Variants in COL4A5 observed in about 807,000 individuals in gnomAD.
COL4A5 encodes collagen alpha-5(IV) chain.
Under a neutral mutation model 130.2 loss-of-function variants are expected in COL4A5, and 26 were observed. That is an observed-to-expected ratio of 0.20 (90% confidence interval 0.15 to 0.28). The LOEUF (loss-of-function observed/expected upper bound fraction) is 0.28. Ranked by LOEUF, COL4A5 falls within the 10% of genes least tolerant of loss-of-function variation. COL4A5 has a pLI of 1.00. For missense variants in COL4A5, 1,131 were observed against 1,344.3 expected (o/e 0.84, Z 2.48); for synonymous variants, 496 against 439.6 (o/e 1.13, Z -1.60).
Position 108,591,176 on chromosome X carries a change from T to TGGGGCTCCTGGGCTTCCA in COL4A5, c.1288_1305dup (p.Ala430_Gly435dup). On this transcript the variant is annotated inframe_insertion, in exon 20 of 53. Coordinates refer to ENST00000328300, the MANE Select transcript of COL4A5 (RefSeq NM_033380.3). ...GACCTCCTGGACTTGACGGACAGCC[T>TGGGGCTCCTGGGCTTCCA]GGGGCTCCTGGGCTTCCAGGGCCTC... The TGGGGCTCCTGGGCTTCCA allele has an allele frequency of 8.3e-7, 1 of 1,210,182 alleles. No homozygotes were observed.
At chrX:108,679,957 CGGATTG>C in intron 44 of COL4A5, among the ~76,000 whole-genome samples, 1 of 111,990 alleles carries the variant, frequency 8.9e-6, no homozygotes, top group Admixed American at 9.5e-5. Flanking sequence ...AAGTAATCTG[CGGATTG>C]GGAAGGCACA....
chrX:108,504,176 A>T (rs2065104698), intron 1 of COL4A5, among the ~76,000 whole-genome samples: 1 of 111,981 alleles, frequency 8.9e-6, no homozygotes, highest in South Asian at 3.7e-4. Context: ...GGAAAATTGG[A>T]TATCTGCATG....
At chrX:108,559,289 G>A (rs1474517747) in intron 3 of COL4A5, 136 bp downstream of exon 3, 7 of 535,528 alleles carry the variant, frequency 1.3e-5, no homozygotes, top group Non-Finnish European at 1.7e-5. Flanking sequence ...GGAATGACGG[G>A]GAGTCTGTAC....
chrX:108,578,231 A>G (rs1682729849), intron 12 of COL4A5, 60 bp from the exon 13 acceptor site: 2 of 1,111,771 alleles, frequency 1.8e-6, no homozygotes, highest in Admixed American at 2.2e-5. Context: ...CTTACATGTT[A>G]TATTACTGTC....
In COL4A5 at chrX:108,601,965, C is replaced by A; in HGVS notation, c.2122C>A (p.Leu708Ile). 1 of 1,130,442 alleles carries A rather than the reference C, an allele frequency of 8.8e-7. No homozygotes were observed. Among genetic ancestry groups the A allele is most frequent in the Non-Finnish European group, 1.2e-6 (1 of 832,859 alleles). 93.2% of individuals were successfully genotyped at this position (1,130,442 alleles called of 1,213,427 possible). A position where few individuals can be genotyped will look rare whatever the true frequency, so the allele number is the denominator to read the frequency against. The change falls in exon 27 of 53, where the codon CTT becomes ATT. Residue 708 changes from leucine (L) to isoleucine (I), a missense_variant. Transcript: ENST00000328300. ...AGAACCAGGTATCCCTGGAATTGGGCTTCCTGGACCACCTGGTCCCAAAGG... is the reference window on the plus strand; with the variant it reads ...AGAACCAGGTATCCCTGGAATTGGGATTCCTGGACCACCTGGTCCCAAAGG... ...KGEPGIPGIG[L>I]PGPPGPKGFP...
At chrX:108,517,771 G>A (rs1188565087) in intron 1 of COL4A5, among the ~76,000 whole-genome samples, 1 of 111,405 alleles carries the variant, frequency 9.0e-6, no homozygotes, top group East Asian at 2.8e-4. Flanking sequence ...TGCATGCTAC[G>A]GAAAAATCTA....
chrX:108,578,474 A>T, intron 13 of COL4A5, 91 bp downstream of exon 13: 1 of 624,348 alleles, frequency 1.6e-6, no homozygotes, highest in Non-Finnish European at 2.7e-6. Flanking sequence ...GTATATGTAT[A>T]TCAAAACATC....
intron 1 of COL4A5, among the ~76,000 whole-genome samples, chrX:108,490,400 C>A (rs1292254607): frequency 9.0e-6 from 1 of 111,527 alleles, no homozygotes; most frequent in Non-Finnish European, 1.9e-5. Context: ...GTTTTCCTAA[C>A]CCTCACCAAC....
chrX:108,695,974 C>T (rs1196734457), intron 52 of COL4A5: 8 of 263,329 alleles, frequency 3.0e-5, no homozygotes, highest in Non-Finnish European at 4.7e-5. Context: ...TCTATCATAA[C>T]ATCATCAGTT....
intron 47 of COL4A5, among the ~76,000 whole-genome samples, chrX:108,685,583 T>C (rs755482675): frequency 8.9e-6 from 1 of 112,575 alleles, no homozygotes; most frequent in African/African-American, 3.2e-5. Flanking sequence ...GCCCCTTGTC[T>C]TTTAAACTAA....
At position 108,606,977 on chromosome X, in the gene COL4A5, C is replaced by A. The variant is rs183909481; in HGVS notation, c.2395+85C>A. 6.2e-5 allele frequency: 61 copies of A among 977,246 alleles called. No homozygotes were observed. In the African/African-American group the frequency reaches 7.4e-4, roughly 12 times the overall value. 80.5% of individuals were successfully genotyped at this position (977,246 alleles called of 1,213,427 possible). A position where few individuals can be genotyped will look rare whatever the true frequency, so the allele number is the denominator to read the frequency against. ...TGGGAAAGTTTATGGGTGATAAGCC[C>A]AATTAACTGGAAACCCTATGCTGCC... On this transcript the variant is annotated intron_variant, in intron 29 of 52. Coordinates refer to ENST00000328300, the MANE Select transcript of COL4A5 (RefSeq NM_033380.3).
At chrX:108,667,211 A>C in intron 40 of COL4A5, 28 bp downstream of exon 40, 1 of 1,136,920 alleles carries the variant, frequency 8.8e-7, no homozygotes, top group Non-Finnish European at 1.2e-6. Flanking sequence ...ATGCTAAATC[A>C]ATCTATAATA....
chrX:108,535,298 T>C (rs1233558657), intron 1 of COL4A5, among the ~76,000 whole-genome samples: 1 of 111,690 alleles, frequency 9.0e-6, no homozygotes, highest in Non-Finnish European at 1.9e-5. Flanking sequence ...GTGTGAAATA[T>C]TTAGTGAGTA....
chrX:108,447,275 C>T (rs2064463049), intron 1 of COL4A5, among the ~76,000 whole-genome samples: 1 of 111,011 alleles, frequency 9.0e-6, no homozygotes, highest in Non-Finnish European at 1.9e-5. Flanking sequence ...TCTTTTTTTT[C>T]CACTTTGGGG....
chrX:108,589,796 A>G (rs1424849874), intron 19 of COL4A5, among the ~76,000 whole-genome samples: 1 of 111,787 alleles, frequency 8.9e-6, no homozygotes, highest in East Asian at 2.8e-4. Flanking sequence ...ACTTAATTAA[A>G]CTAAAGAGCT....
At position 108,659,364 on chromosome X, in the gene COL4A5, A is replaced by G. The variant is rs1461743591; in HGVS notation, c.3373+3907A>G. On this transcript the variant is annotated intron_variant, in intron 37 of 52. Transcript: ENST00000328300. Reference sequence around the variant, plus strand: ...CCTTGTACCCTTGAAAATAATTTGTATTCTGCAATTTGTGTATTGCATTAT... The same window carrying G: ...CCTTGTACCCTTGAAAATAATTTGTGTTCTGCAATTTGTGTATTGCATTAT... 3.6e-5 allele frequency among the ~76,000 whole-genome samples: 4 copies of G among 111,426 alleles called. No individual in the cohort carries two copies. In the East Asian group the frequency reaches 1.1e-3, roughly 31 times the overall value.
intron 36 of COL4A5, among the ~76,000 whole-genome samples, chrX:108,628,064 A>G (rs1171920678): frequency 9.0e-6 from 1 of 110,988 alleles, no homozygotes; most frequent in Admixed American, 9.7e-5. Context: ...GTCATCACAT[A>G]GTAAATCTTG....
chrX:108,687,654 G>A lies in COL4A5; in HGVS notation c.4488G>A (p.Leu1496=). ...TLQVYEGFSL[L]YVQGNKRAHG... The stretch of plus-strand genomic sequence containing the variant: ...AGGTCTATGAAGGCTTTTCTCTCCT[G>A]TATGTACAAGGAAATAAAAGAGCCC... Residue 1496 remains leucine (L), a synonymous_variant, in exon 49 of 53, where the codon CTG becomes CTA. Transcript: ENST00000328300. 1 of 1,210,952 alleles carries A rather than the reference G, an allele frequency of 8.3e-7. No individual in the cohort carries two copies. The highest frequency in any genetic ancestry group is 1.1e-6 in the Non-Finnish European group (1 of 895,038).
chrX:108,615,111 C>A, intron 30 of COL4A5, 87 bp downstream of exon 30: 1 of 669,944 alleles, frequency 1.5e-6, no homozygotes, highest in Non-Finnish European at 2.4e-6. Context: ...ACAAAACAGT[C>A]TTCCAGAAGC....
Sources: gnomAD v4.1 joint callset for allele counts (sites outside exome capture counted in the v4.1 genomes callset) on GRCh38, gnomAD v4.1.1 for gene constraint, MANE v1.5 for transcripts, NCBI Gene and HGNC (gene_info 2026-07-23, HGNC 2026-07-21) for gene names.